Variants in ANGPT2 observed in about 807,000 individuals in gnomAD.
The protein encoded by ANGPT2 is angiopoietin 2.
A neutral mutation model predicts 62.9 loss-of-function variants in ANGPT2; 28 were observed. That is an observed-to-expected ratio of 0.44 (90% CI 0.33 to 0.61). The LOEUF (loss-of-function observed/expected upper bound fraction) is 0.61. Ranked by LOEUF, ANGPT2 falls within the 20% of genes least tolerant of loss-of-function variation. The pLI is 0.03. For missense variants in ANGPT2, 727 were observed against 594.9 expected (o/e 1.22, Z -2.31); for synonymous variants, 284 against 207.8 (o/e 1.37, Z -3.15).
intron 8 of ANGPT2, among the ~76,000 whole-genome samples, chr8:6,505,388 T>G: frequency 1.6e-5 from 1 of 62,142 alleles, no homozygotes; most frequent in Admixed American, 1.6e-4. Context: ...ATTCTTTCTA[T>G]ATGTATATAG....
At chr8:6,554,121 A>G (rs1226324235) in intron 1 of ANGPT2, among the ~76,000 whole-genome samples, 2 of 149,720 alleles carry the variant, frequency 1.3e-5, no homozygotes, top group Non-Finnish European at 3.0e-5. Flanking sequence ...GGTATCTAGT[A>G]GCCTTGTGAT....
chr8:6,537,461 A>G (rs77011915), intron 1 of ANGPT2, among the ~76,000 whole-genome samples: 17 of 152,052 alleles, frequency 1.1e-4, no homozygotes, highest in African/African-American at 1.2e-4. Context: ...TTGATTTGCT[A>G]AAAGAGTTGC....
intron 1 of ANGPT2, among the ~76,000 whole-genome samples, chr8:6,539,988 A>G (rs1170055260): frequency 2.0e-5 from 3 of 152,198 alleles, no homozygotes; most frequent in African/African-American, 4.8e-5. Flanking sequence ...TTTGGCCACT[A>G]TATAACTCCA....
chr8:6,537,020 G>T (rs542358736), intron 1 of ANGPT2, among the ~76,000 whole-genome samples: 8 of 150,406 alleles, frequency 5.3e-5, no homozygotes, highest in African/African-American at 1.7e-4. Context: ...ATCCTCCACT[G>T]GCAGCACCAA....
intron 2 of ANGPT2, among the ~76,000 whole-genome samples, chr8:6,529,429 C>A (rs937081970): frequency 6.6e-6 from 1 of 151,632 alleles, no homozygotes; most frequent in South Asian, 2.1e-4. Flanking sequence ...TTCTTTGCGG[C>A]CTTCCTTAAG....
chr8:6,505,700 C>T (rs1282092606), intron 8 of ANGPT2, among the ~76,000 whole-genome samples: 1 of 90,094 alleles, frequency 1.1e-5, no homozygotes, highest in African/African-American at 3.2e-5. Context: ...TATATGTATT[C>T]TTTATTACGT....
At chr8:6,517,712 T>C (rs1023780874) in intron 5 of ANGPT2, among the ~76,000 whole-genome samples, 1 of 151,394 alleles carries the variant, frequency 6.6e-6, no homozygotes, top group Non-Finnish European at 1.5e-5. Context: ...AGGCTGAGGG[T>C]ATCATTGTTC....
At chr8:6,545,684 T>C (rs950089068) in intron 1 of ANGPT2, among the ~76,000 whole-genome samples, 1 of 152,226 alleles carries the variant, frequency 6.6e-6, no homozygotes, top group Non-Finnish European at 1.5e-5. Flanking sequence ...TGGTTCCCAT[T>C]AGTCTAAAAA....
At chr8:6,528,994 T>C (rs1156876065) in intron 2 of ANGPT2, among the ~76,000 whole-genome samples, 1 of 152,244 alleles carries the variant, frequency 6.6e-6, no homozygotes, top group Non-Finnish European at 1.5e-5. Context: ...AGTCCAAACA[T>C]TCTATGTTGG....
intron 1 of ANGPT2, among the ~76,000 whole-genome samples, chr8:6,552,864 G>T (rs1015783354): frequency 6.6e-6 from 1 of 151,812 alleles, no homozygotes; most frequent in African/African-American, 2.4e-5. Context: ...AGTCCGAAAA[G>T]GCTGTATATT....
intron 1 of ANGPT2, among the ~76,000 whole-genome samples, chr8:6,537,237 G>T (rs1184486131): frequency 6.6e-6 from 1 of 152,122 alleles, no homozygotes; most frequent in Non-Finnish European, 1.5e-5. Context: ...CCATGAGCGT[G>T]ATCTGTAGGC....
chr8:6,555,464 C>A (rs1360867582), intron 1 of ANGPT2, among the ~76,000 whole-genome samples: 2 of 139,348 alleles, frequency 1.4e-5, no homozygotes, highest in Non-Finnish European at 3.0e-5. Flanking sequence ...GGTGGTTTGC[C>A]CTTTTTTTTT....
At chr8:6,514,443 C>T (rs1174529835) in intron 6 of ANGPT2, among the ~76,000 whole-genome samples, 1 of 152,168 alleles carries the variant, frequency 6.6e-6, no homozygotes, top group Non-Finnish European at 1.5e-5. Flanking sequence ...TCTGCCTCGG[C>T]CTCCCAAAGT....
At chr8:6,556,725 C>T (rs1824675480) in intron 1 of ANGPT2, among the ~76,000 whole-genome samples, 1 of 152,062 alleles carries the variant, frequency 6.6e-6, no homozygotes, top group South Asian at 2.1e-4. Flanking sequence ...GCAATCCTCC[C>T]ACCTCAGCCT....
chr8:6,516,957 G>T (rs77786834), intron 5 of ANGPT2, among the ~76,000 whole-genome samples: 4 of 152,190 alleles, frequency 2.6e-5, no homozygotes, highest in Non-Finnish European at 4.4e-5. Flanking sequence ...TTCCATTAGT[G>T]ATGATGATAA....
intron 3 of ANGPT2, among the ~76,000 whole-genome samples, chr8:6,524,824 C>A (rs114092758): frequency 1.3e-3 from 194 of 152,294 alleles, no homozygotes; most frequent in African/African-American, 4.5e-3. Flanking sequence ...ATCATGGTTT[C>A]ACTGAAGAGA....
intron 8 of ANGPT2, chr8:6,508,114 G>C (rs1019361874): frequency 6.6e-6 from 1 of 152,166 alleles, no homozygotes; most frequent in African/African-American, 2.4e-5. Flanking sequence ...TAACTCATTT[G>C]TGTTTATAGG....
chr8:6,532,597 T>A, intron 1 of ANGPT2, 110 bp from the exon 2 acceptor site: 17 of 744,548 alleles, frequency 2.3e-5, no homozygotes, highest in Non-Finnish European at 3.3e-5. Flanking sequence ...AAAAAATCTA[T>A]CAAAAGACTT....
At chr8:6,541,407 G>A (rs1356198375) in intron 1 of ANGPT2, among the ~76,000 whole-genome samples, 1 of 152,168 alleles carries the variant, frequency 6.6e-6, no homozygotes, top group Non-Finnish European at 1.5e-5. Flanking sequence ...CAGCGCTGGA[G>A]AGGAGAGGAG....
Sources: allele counts gnomAD v4.1 joint callset (sites outside exome capture counted in the v4.1 genomes callset), GRCh38; gene constraint gnomAD v4.1.1; transcripts MANE v1.5; gene names NCBI Gene and HGNC (gene_info 2026-07-23, HGNC 2026-07-21).